MINK1: variants seen among roughly 807,000 people sequenced by gnomAD.
MINK1 encodes the protein misshapen-like kinase 1.
In MINK1, 46 loss-of-function variants were observed where a neutral mutation model predicts 178.4. The observed-to-expected ratio is 0.26, with a 90% CI of 0.20 to 0.33. MINK1 has a LOEUF of 0.33. Among genes scored for constraint, MINK1 ranks in the 10% least tolerant of loss-of-function variants. The pLI is 1.00. For synonymous variants in MINK1, 797 were observed against 709.7 expected, an observed-to-expected ratio of 1.12 and a Z score of -1.96; for missense variants, 1,366 against 1,814.9, an observed-to-expected ratio of 0.75 and a Z score of 4.49.
intron 1 of MINK1, chr17:4,847,033 A>G: frequency 7.9e-6 from 3 of 381,926 alleles, no homozygotes; most frequent in Non-Finnish European, 1.0e-5. Flanking sequence ...TTAACAATGA[A>G]CATACCTGCT....
Position 4,895,802 on chromosome 17 carries a change from G to A in MINK1, c.3334G>A (p.Asp1112Asn), listed in dbSNP as rs372118929. ...GAAGCAGGGCTGGACCACCGTGGGG[G>A]ACATGGAGGGCTGCGGGCACTACCG... ...EKKQGWTTVG[D>N]MEGCGHYRVV... The change falls in exon 27 of 32, where the codon GAC (aspartate) becomes AAC (asparagine). Residue 1112 changes from aspartate to asparagine, a missense_variant. Asp to Asn is a conservative substitution (Grantham distance 23, BLOSUM62 1). Transcript: ENST00000355280. This position sits in a 1 kb window ranked among gnomAD's most constrained non-coding sequence, Gnocchi z 4.3. 3.7e-6 allele frequency: 6 copies of A among 1,613,780 alleles called. 1 individual carries two copies. Among genetic ancestry groups the A allele is most frequent in the Non-Finnish European group, 5.1e-6 (6 of 1,179,814 alleles).
intron 1 of MINK1, chr17:4,834,799 C>A (rs775106991): frequency 5.8e-6 from 3 of 519,968 alleles, no homozygotes. Flanking sequence ...CTGGAGGCCC[C>A]TGCTCAGACT....
At chr17:4,892,634 C>A (rs572704682) in intron 18 of MINK1, 22 bp from the exon 19 acceptor site, 1 of 1,584,300 alleles carries the variant, frequency 6.3e-7, no homozygotes, top group African/African-American at 1.3e-5. Context: ...CCTCCCTGAC[C>A]CTGACTCTGC....
Position 4,895,030 on chromosome 17 carries a change from T to C in MINK1, c.2918-45T>C. 1 of 1,598,940 alleles carries C rather than the reference T, an allele frequency of 6.3e-7. No homozygotes were observed. Among genetic ancestry groups the C allele is most frequent in the Non-Finnish European group, 8.5e-7 (1 of 1,170,096 alleles). On this transcript the variant is annotated intron_variant, in intron 24 of 31. Transcript: ENST00000355280. The surrounding 1 kb of genome is among the most constrained non-coding windows in gnomAD (Gnocchi z 4.3). ...GGGATGGAGGTAAAAAGAGATGGGG[T>C]GAGAAGCTGCAGCCCCTCCTCCCAC...
chr17:4,882,073 G>A (rs893039423), intron 4 of MINK1, among the ~76,000 whole-genome samples: 6 of 152,234 alleles, frequency 3.9e-5, no homozygotes, highest in Admixed American at 6.5e-5. Flanking sequence ...ACACACTCAT[G>A]CACACAAAGA....
At chr17:4,872,643 G>A (rs1030227032) in intron 1 of MINK1, among the ~76,000 whole-genome samples, 3 of 151,772 alleles carry the variant, frequency 2.0e-5, no homozygotes, top group African/African-American at 7.3e-5. Context: ...TTGGTGGTGC[G>A]CGCCTGTAAT....
In MINK1 at chr17:4,833,732, G is replaced by C; in HGVS notation, c.57+92G>C. 1 of 1,124,082 alleles carries C rather than the reference G, an allele frequency of 8.9e-7. No homozygotes were observed. Among genetic ancestry groups the C allele is most frequent in the Non-Finnish European group, 1.2e-6 (1 of 837,370 alleles). The allele number at this position is 1,124,082 out of a possible 1,614,324, so 69.6% of individuals were successfully genotyped here. Reference sequence around the variant, plus strand: ...CTGCACGCCTCACGTGCTCCCGGGCGCCCCCTCCACCAGCTTGGGTCCCCT... The same window carrying C: ...CTGCACGCCTCACGTGCTCCCGGGCCCCCCCTCCACCAGCTTGGGTCCCCT... On this transcript the variant is annotated intron_variant, in intron 1 of 31. Transcript: ENST00000355280. This position sits in a 1 kb window ranked among gnomAD's most constrained non-coding sequence, Gnocchi z 4.8.
intron 2 of MINK1, among the ~76,000 whole-genome samples, chr17:4,880,681 C>T (rs1432404791): frequency 2.0e-5 from 3 of 150,540 alleles, no homozygotes; most frequent in African/African-American, 4.9e-5. Context: ...AGGCGGATCA[C>T]GAGGTCAGGA....
At position 4,897,356 on chromosome 17, in the gene MINK1, G is replaced by A. The variant is rs1230165380; in HGVS notation, c.*69G>A. On this transcript the variant is annotated 3_prime_UTR_variant, in exon 32 of 32. Coordinates refer to ENST00000355280, the MANE Select transcript of MINK1 (RefSeq NM_153827.5). ...CCCCTGCAGCCAGGCTTCCCGGGCC[G>A]CCCCTCTTTCCCCTCCCTGGGCTTT... 2.9e-5 allele frequency: 42 copies of A among 1,460,798 alleles called. No homozygotes were observed. Among genetic ancestry groups the A allele is most frequent in the Admixed American group, 7.2e-5 (4 of 55,676 alleles). The allele number at this position is 1,460,798 out of a possible 1,614,324, so 90.5% of individuals were successfully genotyped here. A position where few individuals can be genotyped will look rare whatever the true frequency, so the allele number is the denominator to read the frequency against.
At chr17:4,865,788 G>A (rs1024812205) in intron 1 of MINK1, among the ~76,000 whole-genome samples, 1 of 151,304 alleles carries the variant, frequency 6.6e-6, no homozygotes, top group African/African-American at 2.4e-5. Flanking sequence ...CCAGTTACCT[G>A]GTAGGCTAGG....
intron 1 of MINK1, among the ~76,000 whole-genome samples, chr17:4,873,589 C>T (rs1966896844): frequency 6.6e-6 from 1 of 151,798 alleles, no homozygotes; most frequent in Admixed American, 6.6e-5. Context: ...CACAACACAG[C>T]ATGGTCTTCG....
chr17:4,895,289 T>A lies in MINK1; in HGVS notation c.3085+47T>A. 4 of 1,610,366 alleles carry A rather than the reference T, an allele frequency of 2.5e-6. No individual in the cohort carries two copies. Among genetic ancestry groups the A allele is most frequent in the Non-Finnish European group, 2.5e-6 (3 of 1,177,376 alleles). On this transcript the variant is annotated intron_variant, in intron 25 of 31. Transcript: ENST00000355280. This position sits in a 1 kb window ranked among gnomAD's most constrained non-coding sequence, Gnocchi z 4.3. ...TGAGGAGGCTCTGGCGTGGCTCTTGTGCTCCTGGTTAGGTGAGGGCCTGGC... is the reference window on the plus strand; with the variant it reads ...TGAGGAGGCTCTGGCGTGGCTCTTGAGCTCCTGGTTAGGTGAGGGCCTGGC...
In MINK1 at chr17:4,892,663, G is replaced by A. The variant is rs1467680252; in HGVS notation, c.2206G>A (p.Asp736Asn). 28 of 1,605,822 alleles carry A rather than the reference G, an allele frequency of 1.7e-5. No homozygotes were observed. Among genetic ancestry groups the A allele is most frequent in the Non-Finnish European group, 2.2e-5 (26 of 1,175,980 alleles). ...ACTCTGCCCCCCCAACAGTAACCCC[G>A]ACCTCAGGAGGAGCGACCCTGGCTG... ...PGPPNASSNP[D>N]LRRSDPGWER... Residue 736 changes from aspartate to asparagine, a missense_variant, in exon 19 of 32, where the codon GAC becomes AAC. Coordinates refer to ENST00000355280, the MANE Select transcript of MINK1 (RefSeq NM_153827.5).
chr17:4,839,760 T>C (rs1909896332), intron 1 of MINK1, among the ~76,000 whole-genome samples: 1 of 152,160 alleles, frequency 6.6e-6, no homozygotes, highest in Non-Finnish European at 1.5e-5. Flanking sequence ...GGAATTGTAG[T>C]GACCCAAGAG....
intron 1 of MINK1, among the ~76,000 whole-genome samples, chr17:4,848,649 C>T (rs544123923): frequency 2.0e-5 from 3 of 152,238 alleles, no homozygotes; most frequent in East Asian, 1.9e-4. Context: ...CGTGAGCCAC[C>T]GCGCCTGGCC....
At chr17:4,834,396 A>G (rs538887530) in intron 1 of MINK1, among the ~76,000 whole-genome samples, 75 of 152,052 alleles carry the variant, frequency 4.9e-4, no homozygotes, top group East Asian at 3.7e-3. Context: ...ACACACACAC[A>G]CGCGCACACA....
intron 1 of MINK1, among the ~76,000 whole-genome samples, chr17:4,834,276 A>C (rs891997162): frequency 6.6e-5 from 10 of 152,146 alleles, no homozygotes; most frequent in African/African-American, 2.4e-4. Flanking sequence ...GGGTCCCTGA[A>C]TATTACATGA....
chr17:4,896,877 CAGAGTTCTGGGG>C lies in MINK1; in HGVS notation c.3915+69_3915+80del. The stretch of plus-strand genomic sequence containing the variant: ...GCTGCCATGACCCTAGGCCCCTGGG[CAGAGTTCTGGGG>C]AGAGGATGGTGGTGGTGGCTTCCTG... On this transcript the variant is annotated intron_variant, in intron 31 of 31. Transcript: ENST00000355280. The surrounding 1 kb of genome is among the most constrained non-coding windows in gnomAD (Gnocchi z 4.6). 1 of 1,503,646 alleles carries C rather than the reference CAGAGTTCTGGGG, an allele frequency of 6.7e-7. No homozygotes were observed. Among genetic ancestry groups the C allele is most frequent in the Non-Finnish European group, 8.9e-7 (1 of 1,128,674 alleles). 93.1% of individuals were successfully genotyped at this position (1,503,646 alleles called of 1,614,324 possible).
intron 1 of MINK1, among the ~76,000 whole-genome samples, chr17:4,844,972 C>T (rs2150768178): frequency 6.6e-6 from 1 of 152,282 alleles, no homozygotes; most frequent in East Asian, 1.9e-4. Flanking sequence ...ACTTCTTCAT[C>T]CTCCCCAAAT....
Sources: gnomAD v4.1 joint callset for allele counts (sites outside exome capture counted in the v4.1 genomes callset) on GRCh38, gnomAD v4.1.1 for gene constraint, Gnocchi (gnomAD v3.1) non-coding constraint, MANE v1.5 for transcripts, NCBI Gene and HGNC (gene_info 2026-07-23, HGNC 2026-07-21) for gene names.